Variants in ZNF90 observed in about 807,000 individuals in gnomAD.
ZNF90 encodes the protein zinc finger protein 90.
ZNF90 carries 11 observed loss-of-function variants against 12.0 expected under a neutral mutation model. The observed-to-expected ratio is 0.92, with a 90% CI of 0.58 to 1.52. ZNF90 has a LOEUF of 1.52. Among genes scored for constraint, ZNF90 ranks in the 40% most tolerant of loss-of-function variants. The pLI, the probability that ZNF90 is intolerant of heterozygous loss-of-function variation, is 0.00. For missense variants in ZNF90, 765 were observed against 711.5 expected (o/e 1.08, Z -0.86); for synonymous variants, 232 against 240.1 (o/e 0.97, Z 0.31).
chr19:20,095,697 G>A (rs2088939533), intron 1 of ZNF90, among the ~76,000 whole-genome samples: 1 of 152,026 alleles, frequency 6.6e-6, no homozygotes, highest in South Asian at 2.1e-4. Context: ...AGAGATAAGA[G>A]ATTGGGGCAC....
At chr19:20,116,319 G>C (rs1303510042) in intron 3 of ZNF90, among the ~76,000 whole-genome samples, 2 of 151,996 alleles carry the variant, frequency 1.3e-5, no homozygotes, top group African/African-American at 4.8e-5. Context: ...ACAGGCTTAT[G>C]CCACCATGCC....
chr19:20,093,568 T>C (rs1484849845), intron 1 of ZNF90, among the ~76,000 whole-genome samples: 2 of 152,058 alleles, frequency 1.3e-5, no homozygotes, highest in East Asian at 1.9e-4. Flanking sequence ...GGGAAGCAGA[T>C]AATTTGGTTA....
chr19:20,115,083 GAC>G (rs1791564871), intron 3 of ZNF90, among the ~76,000 whole-genome samples: 2 of 152,122 alleles, frequency 1.3e-5, no homozygotes, highest in Non-Finnish European at 2.9e-5. Context: ...TATAAAATAT[GAC>G]AGTTTTTGAC....
chr19:20,108,268 A>G (rs188238609), intron 3 of ZNF90, among the ~76,000 whole-genome samples: 344 of 152,314 alleles, frequency 2.3e-3, no homozygotes, highest in African/African-American at 8.0e-3. Flanking sequence ...TATATGATGA[A>G]TACATAGTGA....
At chr19:20,105,195 C>T in intron 2 of ZNF90, 26 bp from the exon 3 acceptor site, 1 of 1,547,898 alleles carries the variant, frequency 6.5e-7, no homozygotes, top group Non-Finnish European at 8.8e-7. Flanking sequence ...GAGGAAGATT[C>T]ATGTTATTTA....
intron 1 of ZNF90, among the ~76,000 whole-genome samples, chr19:20,085,395 G>A (rs1178059836): frequency 6.6e-6 from 1 of 151,794 alleles, no homozygotes; most frequent in African/African-American, 2.4e-5. Context: ...GAATAGCTGG[G>A]ACTACAGGTG....
intron 1 of ZNF90, chr19:20,080,316 T>G (rs991099650): frequency 3.7e-6 from 2 of 536,258 alleles, no homozygotes; most frequent in African/African-American, 1.9e-5. Context: ...CGATCCTTGT[T>G]TTACCAGTAC....
At position 20,092,315 on chromosome 19, in the gene ZNF90, G is replaced by C. The variant is rs1217654278; in HGVS notation, c.4-11924G>C. Among the ~76,000 whole-genome samples the C allele has an allele frequency of 3.9e-5, 6 of 152,220 alleles. No homozygotes were observed. In the South Asian group the frequency reaches 1.2e-3, roughly 32 times the overall value. On this transcript the variant is annotated intron_variant, in intron 1 of 3. Transcript: ENST00000418063. ...GAGGGCCTCTACAAGTATTAGGGCA[G>C]CAGCAGCGGCTGCACGGAGACATGA...
chr19:20,085,546 C>T (rs564752521), intron 1 of ZNF90, among the ~76,000 whole-genome samples: 17 of 152,294 alleles, frequency 1.1e-4, no homozygotes, highest in African/African-American at 4.1e-4. Context: ...AGGCTTGAGC[C>T]ACCGCGCCCG....
chr19:20,115,417 GTTT>G (rs34059055), intron 3 of ZNF90, among the ~76,000 whole-genome samples: 2 of 134,022 alleles, frequency 1.5e-5, no homozygotes, highest in African/African-American at 5.4e-5. Context: ...TTTCCTTTCT[GTTT>G]TTTTTTTTTG....
intron 1 of ZNF90, among the ~76,000 whole-genome samples, chr19:20,090,218 T>G (rs2122485419): frequency 6.6e-6 from 1 of 152,068 alleles, no homozygotes; most frequent in South Asian, 2.1e-4. Context: ...CAGAAGATAG[T>G]AGGGATGACT....
chr19:20,110,868 G>A lies in ZNF90; in HGVS notation c.226+5552G>A, dbSNP rs917977045. On this transcript the variant is annotated intron_variant, in intron 3 of 3. Coordinates refer to ENST00000418063, the MANE Select transcript of ZNF90 (RefSeq NM_007138.2). ...ACTTGTTTATCTATTTCTAAATTAA[G>A]TTATTCACCTTTATTGTTTAGTTTT... Among the ~76,000 whole-genome samples the A allele has an allele frequency of 1.6e-4, 24 of 152,050 alleles. 1 individual carries two copies. Among genetic ancestry groups the A allele is most frequent in the South Asian group, 6.2e-4 (3 of 4,802 alleles).
intron 1 of ZNF90, among the ~76,000 whole-genome samples, chr19:20,083,332 T>C (rs1279297331): frequency 1.3e-5 from 2 of 152,098 alleles, no homozygotes; most frequent in Non-Finnish European, 2.9e-5. Flanking sequence ...TTTTGTTTTT[T>C]GTTTTGTTTT....
At chr19:20,081,601 C>T (rs1410046498) in intron 1 of ZNF90, among the ~76,000 whole-genome samples, 1 of 152,206 alleles carries the variant, frequency 6.6e-6, no homozygotes, top group Non-Finnish European at 1.5e-5. Context: ...TCTCCATCAA[C>T]CTAAAGGTCT....
chr19:20,113,060 T>C (rs547562714), intron 3 of ZNF90, among the ~76,000 whole-genome samples: 4 of 152,246 alleles, frequency 2.6e-5, no homozygotes, highest in African/African-American at 7.2e-5. Flanking sequence ...TAAATATGAA[T>C]AAGCCATATG....
At chr19:20,080,328 A>G (rs2088810462) in intron 1 of ZNF90, 2 of 514,024 alleles carry the variant, frequency 3.9e-6, no homozygotes, top group African/African-American at 3.9e-5. Context: ...TACCAGTACA[A>G]CACTCTGAGC....
chr19:20,092,012 G>A (rs1416454207), intron 1 of ZNF90, among the ~76,000 whole-genome samples: 2 of 152,130 alleles, frequency 1.3e-5, no homozygotes, highest in Non-Finnish European at 2.9e-5. Context: ...AGTGTGATCA[G>A]GGTGAGAAAC....
At chr19:20,106,660 A>G (rs1275109075) in intron 3 of ZNF90, among the ~76,000 whole-genome samples, 1 of 152,180 alleles carries the variant, frequency 6.6e-6, no homozygotes, top group Non-Finnish European at 1.5e-5. Flanking sequence ...TCACCGTGTT[A>G]GCCTGGATGG....
intron 1 of ZNF90, among the ~76,000 whole-genome samples, chr19:20,082,981 T>C (rs140233447): frequency 0.031 from 4,722 of 152,310 alleles, 250 homozygotes; most frequent in African/African-American, 0.11. Context: ...TGTTTATGTA[T>C]GTGCACATCA....
Sources: allele counts gnomAD v4.1 joint callset (sites outside exome capture counted in the v4.1 genomes callset), GRCh38; gene constraint gnomAD v4.1.1; transcripts MANE v1.5; gene names NCBI Gene and HGNC (gene_info 2026-07-23, HGNC 2026-07-21).